CBLN2: variants seen among roughly 807,000 people sequenced by gnomAD.
CBLN2 encodes cerebellin-2.
In CBLN2, 7 loss-of-function variants were observed where a neutral mutation model predicts 15.0. The ratio of observed to expected loss-of-function variants is 0.47; its 90% CI spans 0.27 to 0.88. CBLN2 has a LOEUF of 0.88. CBLN2 is among the 40% of genes least tolerant of loss of function. The pLI is 0.14. For synonymous variants in CBLN2, 149 were observed against 135.2 expected (o/e 1.10, Z -0.71); for missense variants, 242 against 304.5 (o/e 0.79, Z 1.53).
At chr18:72,615,556 C>T (rs1483834289) in intron 1 of CBLN2, among the ~76,000 whole-genome samples, 2 of 151,944 alleles carry the variant, frequency 1.3e-5, no homozygotes, top group African/African-American at 2.4e-5. Flanking sequence ...GGATTGCAGG[C>T]GTGAGCCACC....
chr18:72,579,156 A>G (rs550481508), intron 1 of CBLN2, among the ~76,000 whole-genome samples: 19 of 152,344 alleles, frequency 1.2e-4, no homozygotes, highest in African/African-American at 4.6e-4. Context: ...GTAACACAAT[A>G]CTATTACTGC....
At chr18:72,627,887 A>T (rs1424824500) in intron 1 of CBLN2, among the ~76,000 whole-genome samples, 2 of 152,240 alleles carry the variant, frequency 1.3e-5, no homozygotes, top group African/African-American at 4.8e-5. Flanking sequence ...GCAGTAATTT[A>T]AAAAATTATG....
intron 1 of CBLN2, among the ~76,000 whole-genome samples, chr18:72,631,275 A>T (rs1030698194): frequency 1.3e-5 from 2 of 152,152 alleles, no homozygotes; most frequent in African/African-American, 4.8e-5. Context: ...CTCTGGAAAG[A>T]AGACAAGAGG....
rs149771074 is a variant in CBLN2 at position 72,629,139 on chromosome 18, G to C, written c.15+9186C>G. Among the ~76,000 whole-genome samples, 687 of 152,164 alleles carry C rather than the reference G, an allele frequency of 4.5e-3. 3 individuals are homozygous for C. The highest frequency in any genetic ancestry group is 9.6e-3 in the South Asian group (46 of 4,816). On this transcript the variant is annotated intron_variant, in intron 1 of 2. Coordinates refer to the CBLN2 transcript ENST00000581073. ...TTCCCAACCATCTGCTATATTTACAGGTAGAAATTTAAAGAGTCCACTGGT... is the reference window on the plus strand; with the variant it reads ...TTCCCAACCATCTGCTATATTTACACGTAGAAATTTAAAGAGTCCACTGGT...
chr18:72,582,975 C>A (rs763219244), intron 1 of CBLN2, among the ~76,000 whole-genome samples: 1 of 152,180 alleles, frequency 6.6e-6, no homozygotes, highest in East Asian at 1.9e-4. Context: ...GGTCTTCTTG[C>A]ACCCTCTGCT....
At chr18:72,637,041 C>CAA (rs113009406) in intron 1 of CBLN2, among the ~76,000 whole-genome samples, 13,726 of 127,438 alleles carry the variant, frequency 0.11, 714 homozygotes, top group South Asian at 0.17. Context: ...AACAAAACTG[C>CAA]AAAAAAAAAA....
In CBLN2 at chr18:72,603,767, T is replaced by C. The variant is rs569732435; in HGVS notation, c.15+34558A>G. On this transcript the variant is annotated intron_variant, in intron 1 of 2. Coordinates refer to the CBLN2 transcript ENST00000581073. ...TGTATCATCAAAGAAAATCAAACCA[T>C]ACAACCTAAACTTAATTATAGATTG... Among the ~76,000 whole-genome samples, 3 of 152,192 alleles carry C rather than the reference T, an allele frequency of 2.0e-5. No homozygotes were observed. The South Asian group carries it at 6.2e-4, about 32-fold the overall frequency.
intron 1 of CBLN2, among the ~76,000 whole-genome samples, chr18:72,608,568 G>T (rs180977818): frequency 4.5e-4 from 69 of 152,298 alleles, no homozygotes; most frequent in Non-Finnish European, 4.9e-4. Context: ...GGAGCAGCAA[G>T]TTGAGCCTGA....
At chr18:72,616,613 C>T (rs1251362953) in intron 1 of CBLN2, among the ~76,000 whole-genome samples, 1 of 151,926 alleles carries the variant, frequency 6.6e-6, no homozygotes, top group Non-Finnish European at 1.5e-5. Flanking sequence ...AATATTTTTC[C>T]ATTATTGTGT....
At position 72,573,929 on chromosome 18, in the gene CBLN2, A is replaced by G. The variant is rs2069348014; in HGVS notation, c.16-35157T>C. Among the ~76,000 whole-genome samples, 4 of 152,210 alleles carry G rather than the reference A, an allele frequency of 2.6e-5. No homozygotes were observed. In the South Asian group the frequency reaches 8.3e-4, roughly 32 times the overall value. The stretch of plus-strand genomic sequence containing the variant: ...AATAAATAAGAGTTCTTGTTGCACC[A>G]CATCCTTGCCAGCATTTGCTGTTTT... On this transcript the variant is annotated intron_variant, in intron 1 of 2. Coordinates refer to the CBLN2 transcript ENST00000581073.
rs59028810 is a variant in CBLN2 at position 72,567,318 on chromosome 18, A to T, written c.16-28546T>A. ...GGAGATTAAAATGTGAATTCTTTTT[A>T]AAAAAAATCCATTATGTATTCTATG... On this transcript the variant is annotated intron_variant, in intron 1 of 2. Coordinates refer to the CBLN2 transcript ENST00000581073. 5.9e-3 allele frequency among the ~76,000 whole-genome samples: 819 copies of T among 138,364 alleles called. 5 individuals are homozygous for T. The East Asian group carries it at 0.098, about 17-fold the overall frequency. The allele number at this position is 138,364 out of a possible 152,430, so 90.8% of individuals were successfully genotyped here. A position where few individuals can be genotyped will look rare whatever the true frequency, so the allele number is the denominator to read the frequency against.
At position 72,567,535 on chromosome 18, in the gene CBLN2, C is replaced by A. The variant is rs61318031; in HGVS notation, c.16-28763G>T. On this transcript the variant is annotated intron_variant, in intron 1 of 2. Transcript: ENST00000581073. ...TCAAGCACGTTAGCTGATACCCTCA[C>A]ACAAACGCACATGAAATGTAAAGAT... is the stretch of plus-strand genomic sequence containing the variant. 0.046 allele frequency among the ~76,000 whole-genome samples: 7,023 copies of A among 152,254 alleles called. 799 individuals are homozygous for A. In the East Asian group the frequency reaches 0.5, roughly 11 times the overall value.
At chr18:72,633,434 T>G (rs62089078) in intron 1 of CBLN2, among the ~76,000 whole-genome samples, 12,529 of 152,232 alleles carry the variant, frequency 0.082, 630 homozygotes, top group South Asian at 0.16. Flanking sequence ...CCGTTTTAGT[T>G]GAATACAAAA....
intron 1 of CBLN2, among the ~76,000 whole-genome samples, chr18:72,553,941 TGCCTA>T (rs1222595417): frequency 1.3e-5 from 2 of 152,364 alleles, no homozygotes; most frequent in South Asian, 4.1e-4. Flanking sequence ...TTTCAGCTTA[TGCCTA>T]GCCTTCATTG....
At chr18:72,538,848 C>T (rs1282744996) in intron 3 of CBLN2, 76 bp from the exon 4 acceptor site, 33 of 1,557,510 alleles carry the variant, frequency 2.1e-5, no homozygotes, top group Non-Finnish European at 2.8e-5. Flanking sequence ...CTTGGATAAC[C>T]AGCAACACTG....
At chr18:72,545,205 A>C (rs181937325), upstream of CBLN2, among the ~76,000 whole-genome samples, 221 of 152,302 alleles carry the variant, frequency 1.5e-3, no homozygotes, top group African/African-American at 5.1e-3. Flanking sequence ...AGAACTGCCA[A>C]GGCATCATCT....
At chr18:72,573,667 T>C (rs1213228577) in intron 1 of CBLN2, among the ~76,000 whole-genome samples, 1 of 152,206 alleles carries the variant, frequency 6.6e-6, no homozygotes, top group Non-Finnish European at 1.5e-5. Context: ...TTGTGTGTTG[T>C]ACCATAGTTT....
chr18:72,538,688 G>A lies in CBLN2; in HGVS notation c.442C>T (p.His148Tyr), dbSNP rs563682192. ...PRKGIYSFSFHVVKVYNRQTI... is the reference protein window; with the variant it reads ...PRKGIYSFSFYVVKVYNRQTI... ...TGTCTGTTATACACTTTGACCACGT[G>A]GAAGCTGAAGCTATAAATCCCTTTT... The change falls in exon 4 of 5, where the codon CAC becomes TAC. Residue 148 changes from histidine (H) to tyrosine (Y), a missense_variant. Physicochemically the swap from His to Tyr is moderately conservative, Grantham distance 83. Transcript: ENST00000269503. 16 of 1,613,962 alleles carry A rather than the reference G, an allele frequency of 9.9e-6. No individual in the cohort carries two copies. In the South Asian group the frequency reaches 1.4e-4, roughly 14 times the overall value.
intron 1 of CBLN2, among the ~76,000 whole-genome samples, chr18:72,571,104 A>G (rs1225689375): frequency 6.6e-6 from 1 of 152,124 alleles, no homozygotes; most frequent in African/African-American, 2.4e-5. Context: ...AATATTTTAT[A>G]TTGATAGATG....
Sources: allele counts gnomAD v4.1 joint callset (sites outside exome capture counted in the v4.1 genomes callset), GRCh38; gene constraint gnomAD v4.1.1; transcripts MANE v1.5; gene names NCBI Gene and HGNC (gene_info 2026-07-23, HGNC 2026-07-21).